Variants in NUBPL observed in about 807,000 individuals in gnomAD.
NUBPL encodes iron-sulfur cluster transfer protein NUBPL.
NUBPL carries 31 observed loss-of-function variants against 45.7 expected under a neutral mutation model. The ratio of observed to expected loss-of-function variants is 0.68; its 90% CI spans 0.51 to 0.92. The LOEUF (loss-of-function observed/expected upper bound fraction) is 0.92, where lower values mean the gene tolerates loss of function less well. Among genes scored for constraint, NUBPL ranks in the 40% least tolerant of loss-of-function variants. The pLI, the probability that NUBPL is intolerant of heterozygous loss-of-function variation, is 0.00. For synonymous variants in NUBPL, 144 were observed against 140.9 expected (o/e 1.02, Z -0.15); for missense variants, 401 against 398.7 (o/e 1.01, Z -0.05).
chr14:31,820,526 A>C (rs879466618), intron 7 of NUBPL, among the ~76,000 whole-genome samples: 4 of 152,182 alleles, frequency 2.6e-5, no homozygotes, highest in Non-Finnish European at 5.9e-5. Flanking sequence ...AATTCCTTTA[A>C]AATTTAAAAA....
intron 6 of NUBPL, among the ~76,000 whole-genome samples, chr14:31,741,447 A>C (rs1055724842): frequency 6.6e-6 from 1 of 152,006 alleles, no homozygotes; most frequent in Admixed American, 6.6e-5. Context: ...TCCGATATAA[A>C]CCCAGCAGGC....
At chr14:31,621,490 T>C (rs2035060662) in intron 4 of NUBPL, among the ~76,000 whole-genome samples, 1 of 152,062 alleles carries the variant, frequency 6.6e-6, no homozygotes. Context: ...TGGGCTGGAG[T>C]GCACAGTTCC....
intron 7 of NUBPL, among the ~76,000 whole-genome samples, chr14:31,815,129 G>T (rs1431133335): frequency 2.0e-5 from 3 of 152,108 alleles, no homozygotes; most frequent in African/African-American, 7.2e-5. Flanking sequence ...ACTTTGGGCA[G>T]TATCGCCATT....
chr14:31,823,717 G>A (rs1390609275), intron 7 of NUBPL, among the ~76,000 whole-genome samples: 1 of 152,194 alleles, frequency 6.6e-6, no homozygotes, highest in East Asian at 1.9e-4. Context: ...CTGAGACTCA[G>A]AGTGATTCTT....
At chr14:31,625,368 C>T (rs1184299123) in intron 4 of NUBPL, among the ~76,000 whole-genome samples, 1 of 152,138 alleles carries the variant, frequency 6.6e-6, no homozygotes, top group Non-Finnish European at 1.5e-5. Context: ...CTATGTGTGA[C>T]CCTTAGGAAA....
rs1566602947 is a variant in NUBPL, at chr14:31,859,284, G to A, written c.*104G>A. ...TACAGAAATAATAGAAATCATAACT[G>A]TTTTATTTCTAAGGAAAGAATGTCT... On this transcript the variant is annotated 3_prime_UTR_variant, in exon 11 of 11. Coordinates refer to ENST00000281081, the MANE Select transcript of NUBPL (RefSeq NM_025152.3). 11 of 912,058 alleles carry A rather than the reference G, an allele frequency of 1.2e-5. No individual in the cohort carries two copies. The highest frequency in any genetic ancestry group is 1.8e-6 in the Non-Finnish European group (1 of 556,828). 56.5% of individuals were successfully genotyped at this position (912,058 alleles called of 1,614,324 possible).
At position 31,682,363 on chromosome 14, in the gene NUBPL, C is replaced by A. The variant is rs1338731426; in HGVS notation, c.513+8789C>A. Among the ~76,000 whole-genome samples, 3 of 152,074 alleles carry A rather than the reference C, an allele frequency of 2.0e-5. No individual in the cohort carries two copies. The East Asian group carries it at 5.8e-4, about 29-fold the overall frequency. On this transcript the variant is annotated intron_variant, in intron 6 of 10. Coordinates refer to ENST00000281081, the MANE Select transcript of NUBPL (RefSeq NM_025152.3). ...TTTGCTTTTCTTATGCATATAATTT[C>A]ATGGAATGTTTTAATTCTTTTACTT...
chr14:31,859,666 C>A lies in NUBPL; in HGVS notation c.*486C>A. ...CCTCTGCTTCTTCATCTGGATCACA[C>A]TATACCCCAGACTTAATGAATTTCA... On this transcript the variant is annotated 3_prime_UTR_variant, in exon 11 of 11. Coordinates refer to ENST00000281081, the MANE Select transcript of NUBPL (RefSeq NM_025152.3). The A allele has an allele frequency of 5.1e-6, 1 of 197,048 alleles. No homozygotes were observed. Among genetic ancestry groups the A allele is most frequent in the South Asian group, 9.4e-5 (1 of 10,590 alleles). The allele number at this position is 197,048 out of a possible 1,614,324, so 12.2% of individuals were successfully genotyped here.
chr14:31,754,842 T>TC (rs1407539853), intron 6 of NUBPL, among the ~76,000 whole-genome samples: 1 of 78,756 alleles, frequency 1.3e-5, no homozygotes, highest in Non-Finnish European at 2.4e-5. Flanking sequence ...ATGCTATCCC[T>TC]CCCCCCTCCC....
intron 6 of NUBPL, among the ~76,000 whole-genome samples, chr14:31,749,525 T>G (rs974526152): frequency 2.0e-5 from 3 of 152,192 alleles, no homozygotes; most frequent in Non-Finnish European, 2.9e-5. Context: ...ATCATCCTAT[T>G]CTCTTCTGGT....
At chr14:31,687,083 A>C (rs1335358621) in intron 6 of NUBPL, among the ~76,000 whole-genome samples, 1 of 152,212 alleles carries the variant, frequency 6.6e-6, no homozygotes, top group Non-Finnish European at 1.5e-5. Flanking sequence ...GCTGCACTCC[A>C]GCCTGGGCAA....
chr14:31,700,911 C>T (rs1333196384), intron 6 of NUBPL, among the ~76,000 whole-genome samples: 1 of 152,174 alleles, frequency 6.6e-6, no homozygotes, highest in African/African-American at 2.4e-5. Flanking sequence ...GTCCCATCGA[C>T]CGCCCAAGGG....
At chr14:31,807,672 G>A (rs1027487268) in intron 7 of NUBPL, among the ~76,000 whole-genome samples, 1 of 152,138 alleles carries the variant, frequency 6.6e-6, no homozygotes, top group Non-Finnish European at 1.5e-5. Flanking sequence ...ATTGCTTTTG[G>A]TGTTTTAGTC....
At chr14:31,847,451 T>C (rs1045545375) in intron 9 of NUBPL, among the ~76,000 whole-genome samples, 3 of 152,240 alleles carry the variant, frequency 2.0e-5, no homozygotes, top group Admixed American at 6.5e-5. Context: ...TTCATGGCAC[T>C]GAACTGAAGA....
chr14:31,701,854 A>G (rs1194361424), intron 6 of NUBPL, among the ~76,000 whole-genome samples: 1 of 152,210 alleles, frequency 6.6e-6, no homozygotes, highest in African/African-American at 2.4e-5. Context: ...CAATAGTTTC[A>G]CCTAATGTCA....
At chr14:31,587,155 G>A (rs2034016133) in intron 3 of NUBPL, among the ~76,000 whole-genome samples, 1 of 152,168 alleles carries the variant, frequency 6.6e-6, no homozygotes, top group African/African-American at 2.4e-5. Flanking sequence ...TTAGGTCTGG[G>A]ATTTGACCAT....
At chr14:31,604,023 C>G (rs1287037737) in intron 4 of NUBPL, among the ~76,000 whole-genome samples, 4 of 152,002 alleles carry the variant, frequency 2.6e-5, no homozygotes, top group African/African-American at 9.7e-5. Flanking sequence ...CTTAAGTAGT[C>G]TGCTTGGTAT....
intron 7 of NUBPL, among the ~76,000 whole-genome samples, chr14:31,806,189 T>C (rs920192667): frequency 5.9e-5 from 9 of 152,202 alleles, no homozygotes; most frequent in African/African-American, 1.2e-4. Context: ...TATTTGGAAA[T>C]AGATCAAAGC....
chr14:31,748,676 G>C (rs781426580), intron 6 of NUBPL, among the ~76,000 whole-genome samples: 1 of 151,936 alleles, frequency 6.6e-6, no homozygotes. Flanking sequence ...GCAGTGGAGC[G>C]ATCTCGGCTC....
Sources: gnomAD v4.1 joint callset for allele counts (sites outside exome capture counted in the v4.1 genomes callset) on GRCh38, gnomAD v4.1.1 for gene constraint, MANE v1.5 for transcripts, NCBI Gene and HGNC (gene_info 2026-07-23, HGNC 2026-07-21) for gene names.